Variants in PRKRA observed in about 807,000 individuals in gnomAD.
The protein encoded by PRKRA is protein activator of interferon induced protein kinase EIF2AK2, also known as interferon-inducible double-stranded RNA-dependent protein kinase activator A.
In PRKRA, 22 loss-of-function variants were observed where a neutral mutation model predicts 32.4. The observed-to-expected ratio is 0.68, with a 90% CI of 0.49 to 0.97. The LOEUF is 0.97. Among genes scored for constraint, PRKRA ranks in the 50% least tolerant of loss-of-function variants. The pLI, the probability that PRKRA is intolerant of heterozygous loss-of-function variation, is 0.00. For synonymous variants in PRKRA, 139 were observed against 129.8 expected (o/e 1.07, Z -0.48); for missense variants, 319 against 375.6 (o/e 0.85, Z 1.25).
At chr2:178,447,483 A>C in intron 3 of PRKRA, 22 bp downstream of exon 3, 2 of 1,072,598 alleles carry the variant, frequency 1.9e-6, no homozygotes, top group Non-Finnish European at 2.6e-6. Flanking sequence ...TGAGCTGCTG[A>C]ATACAAAGAA....
chr2:178,443,182 A>G lies in PRKRA; in HGVS notation c.514+85T>C, dbSNP rs896379713. The G allele has an allele frequency of 6.5e-6, 5 of 764,164 alleles. No individual in the cohort carries two copies. The Admixed American group carries it at 1.0e-4, about 15-fold the overall frequency. The allele number at this position is 764,164 out of a possible 1,614,324, so 47.3% of individuals were successfully genotyped here. On this transcript the variant is annotated intron_variant, in intron 5 of 7. Transcript: ENST00000325748. ...TGTATCAATTTTTCTGCATAGAAAT[A>G]TTTGAAAACATTACGACAGAAATTT...
intron 1 of PRKRA, 93 bp from the exon 2 acceptor site, chr2:178,450,504 G>T: frequency 6.4e-7 from 1 of 1,571,716 alleles, no homozygotes; most frequent in Non-Finnish European, 8.6e-7. Context: ...CGACGGTGAC[G>T]AGGGAGGCGC....
At position 178,451,090 on chromosome 2, in the gene PRKRA, C is replaced by T. The variant is rs1697615971; in HGVS notation, c.-60G>A. The T allele has an allele frequency of 6.6e-7, 1 of 1,517,660 alleles. No homozygotes were observed. The highest frequency in any genetic ancestry group is 8.8e-7 in the Non-Finnish European group (1 of 1,134,402). 94.0% of individuals were successfully genotyped at this position (1,517,660 alleles called of 1,614,324 possible). A position where few individuals can be genotyped will look rare whatever the true frequency, so the allele number is the denominator to read the frequency against. ...GCGGTGCGGAGCGACGTGCTCGCTC[C>T]CCGGGTCGCTGGTCCCCGGGAGGAG... is the stretch of plus-strand genomic sequence containing the variant. On this transcript the variant is annotated 5_prime_UTR_variant, in exon 1 of 8. Coordinates refer to ENST00000325748, the MANE Select transcript of PRKRA (RefSeq NM_003690.5).
intron 3 of PRKRA, 23 bp from the exon 4 acceptor site, chr2:178,444,523 AT>A (rs764862174): frequency 1.3e-6 from 2 of 1,499,510 alleles, no homozygotes. Flanking sequence ...TAAAAGTGTT[AT>A]AAAACAAAAT....
At chr2:178,435,297 C>T (rs1410069947) in intron 7 of PRKRA, among the ~76,000 whole-genome samples, 4 of 147,562 alleles carry the variant, frequency 2.7e-5, no homozygotes, top group Non-Finnish European at 4.5e-5. Context: ...GCAGGAGGAT[C>T]GCTTGAACCC....
At chr2:178,433,854 A>G (rs559673209) in intron 7 of PRKRA, 2 of 152,190 alleles carry the variant, frequency 1.3e-5, no homozygotes, top group Non-Finnish European at 2.9e-5. Context: ...AACTAGCCAA[A>G]TTAACAGACT....
intron 7 of PRKRA, chr2:178,433,713 C>T (rs1479442695): frequency 6.6e-6 from 1 of 152,094 alleles, no homozygotes; most frequent in African/African-American, 2.4e-5. Flanking sequence ...GTCTCAAACT[C>T]CTGGGTTCCA....
intron 7 of PRKRA, among the ~76,000 whole-genome samples, chr2:178,435,322 G>A (rs1022036739): frequency 6.9e-6 from 1 of 145,182 alleles, no homozygotes; most frequent in Admixed American, 7.0e-5. Context: ...GGCAGAGGTT[G>A]CAGTGAGTTG....
At chr2:178,435,995 A>C in intron 7 of PRKRA, 150 bp downstream of exon 7, 1 of 668,604 alleles carries the variant, frequency 1.5e-6, no homozygotes, top group Non-Finnish European at 2.5e-6. Flanking sequence ...AATTATATAT[A>C]TTACTGGCCT....
intron 2 of PRKRA, chr2:178,450,009 T>C: frequency 1.7e-6 from 1 of 605,102 alleles, no homozygotes; most frequent in Non-Finnish European, 2.9e-6. Flanking sequence ...GATCCAGCCA[T>C]CCGGCTGGGT....
intron 7 of PRKRA, among the ~76,000 whole-genome samples, chr2:178,434,334 C>T (rs987143044): frequency 6.6e-6 from 1 of 151,904 alleles, no homozygotes; most frequent in African/African-American, 2.4e-5. Context: ...TGGTCTCAAA[C>T]GCCTGACCTC....
intron 2 of PRKRA, among the ~76,000 whole-genome samples, chr2:178,447,838 T>C (rs1448958760): frequency 1.3e-5 from 2 of 152,240 alleles, no homozygotes; most frequent in South Asian, 2.1e-4. Flanking sequence ...TATAATTCTA[T>C]GCATACCTGC....
At chr2:178,450,598 G>A (rs1393464262) in intron 1 of PRKRA, 187 bp from the exon 2 acceptor site, 3 of 1,480,716 alleles carry the variant, frequency 2.0e-6, no homozygotes, top group African/African-American at 1.4e-5. Flanking sequence ...CACTCCGCAG[G>A]AGCAGGCGGG....
chr2:178,432,309 C>A (rs1474779640), intron 7 of PRKRA, 55 bp from the exon 8 acceptor site: 3 of 1,301,672 alleles, frequency 2.3e-6, no homozygotes, highest in Non-Finnish European at 3.0e-6. Context: ...TAAAGTGGAT[C>A]CCTTTGTAAA....
chr2:178,444,544 C>T (rs757046081), intron 3 of PRKRA, 44 bp from the exon 4 acceptor site: 51 of 1,411,876 alleles, frequency 3.6e-5, no homozygotes, highest in South Asian at 6.9e-5. Context: ...TAATTTCCCC[C>T]GAATTATGAA....
Position 178,450,109 on chromosome 2 carries a change from G to C in PRKRA, c.235+133C>G, listed in dbSNP as rs1697504782. 57 of 1,139,232 alleles carry C rather than the reference G, an allele frequency of 5.0e-5. No individual in the cohort carries two copies. In the South Asian group the frequency reaches 7.1e-4, roughly 14 times the overall value. 70.6% of individuals were successfully genotyped at this position (1,139,232 alleles called of 1,614,324 possible). ...CAGCTGAAAAGCCCTAACGACCTGA[G>C]ATGAGAGGTCTCAGTTTCAGAGCCT... On this transcript the variant is annotated intron_variant, in intron 2 of 7. Transcript: ENST00000325748.
chr2:178,437,767 T>C (rs1312447449), intron 6 of PRKRA, among the ~76,000 whole-genome samples: 14 of 152,236 alleles, frequency 9.2e-5, no homozygotes, highest in Admixed American at 9.2e-4. Context: ...AAGGTGAAAA[T>C]ATTTTATCTT....
intron 7 of PRKRA, among the ~76,000 whole-genome samples, chr2:178,434,528 C>T (rs1696808751): frequency 6.6e-6 from 1 of 151,948 alleles, no homozygotes; most frequent in South Asian, 2.1e-4. Flanking sequence ...AGTCATTGTC[C>T]CCACCTCAGC....
intron 7 of PRKRA, among the ~76,000 whole-genome samples, chr2:178,435,837 AGAGT>A (rs754520981): frequency 2.6e-5 from 4 of 152,354 alleles, no homozygotes; most frequent in African/African-American, 9.6e-5. Context: ...TTTGCTTCAT[AGAGT>A]TAGTCTGAGG....
Sources: gnomAD v4.1 joint callset for allele counts (sites outside exome capture counted in the v4.1 genomes callset) on GRCh38, gnomAD v4.1.1 for gene constraint, MANE v1.5 for transcripts, NCBI Gene and HGNC (gene_info 2026-07-23, HGNC 2026-07-21) for gene names.